The following ATP8B4 variants were observed in gnomAD, a reference collection of about 807,000 sequenced individuals.
ATP8B4 encodes the protein probable phospholipid-transporting ATPase IM.
ATP8B4 carries 133 observed loss-of-function variants against 145.6 expected under a neutral mutation model. That is an observed-to-expected ratio of 0.91 (90% CI 0.79 to 1.05). The LOEUF (loss-of-function observed/expected upper bound fraction) is 1.05. Among genes scored for constraint, ATP8B4 ranks in the 50% least tolerant of loss-of-function variants. The pLI is 0.00. For missense variants in ATP8B4, 1,458 were observed against 1,425.2 expected, an observed-to-expected ratio of 1.02 and a Z score of -0.37; for synonymous variants, 507 against 492.9, an observed-to-expected ratio of 1.03 and a Z score of -0.38.
intron 14 of ATP8B4, 45 bp downstream of exon 14, chr15:49,961,932 T>C (rs910037847): frequency 1.4e-6 from 2 of 1,479,830 alleles, no homozygotes; most frequent in African/African-American, 1.4e-5. Context: ...AAAGTACATA[T>C]AATTTGAAAT....
At chr15:50,077,265 G>A (rs1012777985) in intron 2 of ATP8B4, among the ~76,000 whole-genome samples, 1 of 152,226 alleles carries the variant, frequency 6.6e-6, no homozygotes, top group Admixed American at 6.5e-5. Context: ...AGAGCTTCTG[G>A]TTTAAGATAG....
chr15:50,157,748 T>G (rs1461400873), intron 1 of ATP8B4, among the ~76,000 whole-genome samples: 1 of 151,924 alleles, frequency 6.6e-6, no homozygotes, highest in Admixed American at 6.6e-5. Flanking sequence ...CCTCTCCCTC[T>G]CCCTCTCCCC....
intron 14 of ATP8B4, among the ~76,000 whole-genome samples, chr15:49,951,178 T>C (rs2043069074): frequency 1.3e-5 from 2 of 152,222 alleles, no homozygotes; most frequent in Non-Finnish European, 2.9e-5. Context: ...ATTCTGTTGA[T>C]CTGGGGTAGA....
chr15:49,944,900 A>G (rs1351775620), intron 14 of ATP8B4, among the ~76,000 whole-genome samples: 1 of 152,174 alleles, frequency 6.6e-6, no homozygotes, highest in Non-Finnish European at 1.5e-5. Flanking sequence ...AGAAATCAAT[A>G]GCAAAAGGAA....
intron 25 of ATP8B4, among the ~76,000 whole-genome samples, chr15:49,873,194 A>G (rs2153389157): frequency 6.6e-6 from 1 of 152,330 alleles, no homozygotes; most frequent in African/African-American, 2.4e-5. Context: ...TCAGCTGAAA[A>G]TGATACAATC....
At chr15:50,079,593 C>T (rs2054410286) in intron 2 of ATP8B4, among the ~76,000 whole-genome samples, 1 of 152,150 alleles carries the variant, frequency 6.6e-6, no homozygotes, top group African/African-American at 2.4e-5. Context: ...TAGAAATCCT[C>T]ATAAGGAAGT....
At chr15:49,992,979 T>G (rs1599679378) in intron 9 of ATP8B4, among the ~76,000 whole-genome samples, 1 of 152,060 alleles carries the variant, frequency 6.6e-6, no homozygotes, top group East Asian at 1.9e-4. Flanking sequence ...AAGAAAGTCT[T>G]TTTCCAATCA....
rs1357686450 is a variant in ATP8B4, at chr15:49,979,707, C to T, written c.944G>A (p.Gly315Glu). ...TCCGGAGAACACAGAGCTCTTCTCTCCTTCATTCCAAAAGAGGAAAGTTCT... is the reference window on the plus strand; with the variant it reads ...TCCGGAGAACACAGAGCTCTTCTCTTCTTCATTCCAAAAGAGGAAAGTTCT... Reference protein sequence around the residue: ...QFRTFLFWNEGEKSSVFSGFL... With the variant: ...QFRTFLFWNEEEKSSVFSGFL... Residue 315 changes from glycine to glutamate, a missense_variant, in exon 12 of 28, where the codon GGA becomes GAA. Coordinates refer to ENST00000284509, the MANE Select transcript of ATP8B4 (RefSeq NM_024837.4). 3 of 1,610,162 alleles carry T rather than the reference C, an allele frequency of 1.9e-6. No homozygotes were observed. The highest frequency in any genetic ancestry group is 2.5e-6 in the Non-Finnish European group (3 of 1,176,820).
At chr15:50,088,985 T>G (rs1308372485) in intron 2 of ATP8B4, among the ~76,000 whole-genome samples, 2 of 152,122 alleles carry the variant, frequency 1.3e-5, no homozygotes, top group African/African-American at 4.8e-5. Flanking sequence ...TTTGTACCAG[T>G]ACCATGCTGT....
Position 49,898,074 on chromosome 15 carries a change from T to A in ATP8B4, c.2467A>T (p.Ile823Phe), listed in dbSNP as rs377320089. 7.4e-6 allele frequency: 12 copies of A among 1,613,618 alleles called. No individual in the cohort carries two copies. Among genetic ancestry groups the A allele is most frequent in the Non-Finnish European group, 1.0e-5 (12 of 1,179,752 alleles). The part of the protein sequence containing the change: ...IGDGANDVSM[I>F]KSAHIGVGIS... Reference sequence around the variant, plus strand: ...TGAGCAAATATCCTCTTACTTTTAATCATGCTGACATCATTGGCTCCATCA... The same window carrying A: ...TGAGCAAATATCCTCTTACTTTTAAACATGCTGACATCATTGGCTCCATCA... Residue 823 changes from isoleucine to phenylalanine, a missense_variant, in exon 22 of 28, where the codon ATT becomes TTT. Ile to Phe is a conservative substitution (Grantham distance 21). Transcript: ENST00000284509.
At chr15:49,966,141 C>G (rs1037671517) in intron 13 of ATP8B4, among the ~76,000 whole-genome samples, 1 of 152,214 alleles carries the variant, frequency 6.6e-6, no homozygotes, top group African/African-American at 2.4e-5. Context: ...AGGAGATTCC[C>G]GCAGGTGCCT....
chr15:50,168,360 C>A (rs751077808), intron 1 of ATP8B4, among the ~76,000 whole-genome samples: 1 of 152,032 alleles, frequency 6.6e-6, no homozygotes, highest in Non-Finnish European at 1.5e-5. Flanking sequence ...CTGTGAGTGC[C>A]CCAACTGCAG....
intron 1 of ATP8B4, among the ~76,000 whole-genome samples, chr15:50,110,181 T>G (rs528136669): frequency 7.9e-5 from 12 of 152,302 alleles, no homozygotes; most frequent in African/African-American, 2.4e-4. Context: ...TTTCCAGAAG[T>G]TGTTTCTTAT....
At chr15:49,860,574 A>G (rs2031486451) in intron 27 of ATP8B4, 99 bp from the exon 28 acceptor site, 1 of 1,352,934 alleles carries the variant, frequency 7.4e-7, no homozygotes, top group Non-Finnish European at 9.9e-7. Context: ...TTTTATAAGT[A>G]AAAACAACAT....
chr15:49,955,509 A>C (rs2043481289), intron 14 of ATP8B4, among the ~76,000 whole-genome samples: 1 of 152,226 alleles, frequency 6.6e-6, no homozygotes, highest in Admixed American at 6.5e-5. Context: ...CTACCATACT[A>C]TCCTGCAATC....
chr15:50,166,308 C>A (rs1487184034), intron 1 of ATP8B4, among the ~76,000 whole-genome samples: 3 of 152,114 alleles, frequency 2.0e-5, no homozygotes, highest in Non-Finnish European at 4.4e-5. Context: ...TGTCATCAGA[C>A]AAAAATTTGA....
intron 2 of ATP8B4, among the ~76,000 whole-genome samples, chr15:50,083,479 G>C (rs2054691236): frequency 6.6e-6 from 1 of 152,008 alleles, no homozygotes; most frequent in Non-Finnish European, 1.5e-5. Context: ...CTGCCCCAAA[G>C]ATTATAAGAG....
At chr15:49,885,305 T>C (rs575124371) in intron 23 of ATP8B4, among the ~76,000 whole-genome samples, 16 of 152,330 alleles carry the variant, frequency 1.1e-4, no homozygotes, top group African/African-American at 3.4e-4. Flanking sequence ...CTCTGAACAC[T>C]CAGGTCACAA....
At chr15:50,019,044 T>C (rs965003383) in intron 6 of ATP8B4, 60 of 818,334 alleles carry the variant, frequency 7.3e-5, no homozygotes, top group Non-Finnish European at 9.8e-5. Flanking sequence ...TGATCGGTCA[T>C]TTAAACAAAA....
Sources: allele counts gnomAD v4.1 joint callset (sites outside exome capture counted in the v4.1 genomes callset), GRCh38; gene constraint gnomAD v4.1.1; transcripts MANE v1.5; gene names NCBI Gene and HGNC (gene_info 2026-07-23, HGNC 2026-07-21).